The following ABCA7 variants were observed in gnomAD, a reference collection of about 807,000 sequenced individuals.
The protein encoded by ABCA7 is phospholipid-transporting ATPase ABCA7.
In ABCA7, 261 loss-of-function variants were observed where a neutral mutation model predicts 227.6. That is an observed-to-expected ratio of 1.15 (90% CI 1.04 to 1.27). ABCA7 has a LOEUF of 1.27. Ranked by LOEUF, ABCA7 falls within the 50% of genes most tolerant of loss-of-function variation. The pLI, the probability that ABCA7 is intolerant of heterozygous loss-of-function variation, is 0.00. For missense variants in ABCA7, 3,331 were observed against 2,924.5 expected, an observed-to-expected ratio of 1.14 and a Z score of -3.21; for synonymous variants, 1,488 against 1,279.7, an observed-to-expected ratio of 1.16 and a Z score of -3.47.
chr19:1,041,588 C>A lies in ABCA7; in HGVS notation c.145C>A (p.Leu49Met). ...GGCTGTTCGCCACTCCCACCCGCCC[C>A]TGGAGCACCATGAATGTGAGCCCCC... Reference protein sequence around the residue: ...LVAVRHSHPPLEHHECHFPNK... With the variant: ...LVAVRHSHPPMEHHECHFPNK... Residue 49 changes from leucine (L) to methionine (M), a missense_variant, in exon 3 of 47, where the codon CTG becomes ATG. Physicochemically the swap from Leu to Met is conservative, Grantham distance 15 (BLOSUM62 2). Transcript: ENST00000263094. 6.2e-7 allele frequency: 1 copy of A among 1,612,528 alleles called. No homozygotes were observed. Among genetic ancestry groups the A allele is most frequent in the Non-Finnish European group, 8.5e-7 (1 of 1,180,018 alleles).
chr19:1,063,575 T>C lies in ABCA7; in HGVS notation c.5744T>C (p.Leu1915Pro), dbSNP rs1365754704. The change falls in exon 43 of 47, where the codon CTC becomes CCC. Residue 1915 changes from leucine (L) to proline (P), a missense_variant. By Grantham distance (98) the Leu-to-Pro change is moderately conservative. Transcript: ENST00000263094. ...TAGSGLARLG[L>P]SWYADRPAGT... ...GGCTCGGGCCTGGCGCGTCTGGGAC[T>C]CTCATGGTACGCAGACCGGCCTGCA... 2 of 1,611,082 alleles carry C rather than the reference T, an allele frequency of 1.2e-6. No homozygotes were observed. Among genetic ancestry groups the C allele is most frequent in the Non-Finnish European group, 1.7e-6 (2 of 1,179,896 alleles).
chr19:1,054,267 C>G lies in ABCA7; in HGVS notation c.3652C>G (p.Arg1218Gly), dbSNP rs201662076. Residue 1218 changes from arginine (R) to glycine (G), a missense_variant, in exon 27 of 47, where the codon CGC becomes GGC. Physicochemically the swap from Arg to Gly is moderately radical, Grantham distance 125. Transcript: ENST00000263094. This position sits in a 1 kb window ranked among gnomAD's most constrained non-coding sequence, Gnocchi z 4.8. ...VGRVQGWALT[R>G]QQLQALLLKR... ...CCGGGTACAGGGCTGGGCACTGACC[C>G]GCCAGCAGCTCCAGGCCCTGCTTCT... 7 of 1,608,816 alleles carry G rather than the reference C, an allele frequency of 4.4e-6. No homozygotes were observed. The highest frequency in any genetic ancestry group is 2.7e-5 in the African/African-American group (2 of 74,954).
chr19:1,047,541 T>G lies in ABCA7; in HGVS notation c.2156T>G (p.Val719Gly). ...EQGEGAQWHN[V>G]GTRPTADVFS... Reference sequence around the variant, plus strand: ...GGCGAGGGCGCGCAGTGGCACAACGTGGGCACCCGGCCTACGGCAGACGTC... The same window carrying G: ...GGCGAGGGCGCGCAGTGGCACAACGGGGGCACCCGGCCTACGGCAGACGTC... Residue 719 changes from valine (V) to glycine (G), a missense_variant, in exon 16 of 47, where the codon GTG (valine) becomes GGG (glycine). Physicochemically the swap from Val to Gly is moderately radical, Grantham distance 109 (BLOSUM62 -3). Transcript: ENST00000263094. The G allele has an allele frequency of 6.3e-7, 1 of 1,599,616 alleles. No homozygotes were observed. The highest frequency in any genetic ancestry group is 8.5e-7 in the Non-Finnish European group (1 of 1,177,986).
Position 1,056,815 on chromosome 19 carries a change from T to C in ABCA7, c.4587-92T>C, listed in dbSNP as rs1486404298. ...ATCTCTGCCACTGCTGACTGCCCCA[T>C]AGACCTTTGTCCCATCAATGGCGTG... On this transcript the variant is annotated intron_variant, in intron 33 of 46. Transcript: ENST00000263094. This position sits in a 1 kb window ranked among gnomAD's most constrained non-coding sequence, Gnocchi z 4.3. 12 of 1,404,484 alleles carry C rather than the reference T, an allele frequency of 8.5e-6. No individual in the cohort carries two copies. The highest frequency in any genetic ancestry group is 6.0e-5 in the Admixed American group (3 of 50,316). 87.0% of individuals were successfully genotyped at this position (1,404,484 alleles called of 1,614,324 possible).
chr19:1,047,007 C>T lies in ABCA7; in HGVS notation c.1828C>T (p.Leu610=), dbSNP rs1409842246. 1.3e-6 allele frequency: 2 copies of T among 1,569,104 alleles called. No homozygotes were observed. The highest frequency in any genetic ancestry group is 8.6e-7 in the Non-Finnish European group (1 of 1,160,298). Residue 610 remains leucine (L), a synonymous_variant, in exon 14 of 47, where the codon CTG becomes TTG. Coordinates refer to ENST00000263094, the MANE Select transcript of ABCA7 (RefSeq NM_019112.4). ...GCCCTTCCTGCTCAGCGCCGCACTG[C>T]TGGTTCTGGTGCTCAAGGTGGGCGC... is the stretch of plus-strand genomic sequence containing the variant. ...LGPFLLSAAL[L]VLVLKLGDIL... is the part of the protein sequence containing the mutation.
rs1437780552 is a variant in ABCA7 at position 1,055,257 on chromosome 19, G to A, written c.4111G>A (p.Ala1371Thr). The A allele has an allele frequency of 6.2e-7, 1 of 1,602,982 alleles. No homozygotes were observed. The highest frequency in any genetic ancestry group is 1.7e-5 in the Admixed American group (1 of 58,606). Residue 1371 changes from alanine to threonine, a missense_variant, in exon 30 of 47, where the codon GCA becomes ACA. Ala to Thr is a moderately conservative substitution (Grantham distance 58). Coordinates refer to ENST00000263094, the MANE Select transcript of ABCA7 (RefSeq NM_019112.4). ...AAAGGPPPPQ[A>T]VTGSGEVVQN... is the part of the protein sequence containing the mutation. ...AGCTGGTGGTCCCCCTCCGCCCCAGGCAGTGACCGGCTCTGGGGAAGTGGT... is the reference window on the plus strand; with the variant it reads ...AGCTGGTGGTCCCCCTCCGCCCCAGACAGTGACCGGCTCTGGGGAAGTGGT...
Position 1,047,160 on chromosome 19 carries a change from G to A in ABCA7, c.1849G>A (p.Gly617Arg), listed in dbSNP as rs747750323. 1.2e-6 allele frequency: 2 copies of A among 1,601,710 alleles called. No homozygotes were observed. Among genetic ancestry groups the A allele is most frequent in the East Asian group, 4.6e-5 (2 of 43,820 alleles). The change falls in exon 15 of 47, where the codon GGA (glycine) becomes AGA (arginine). Residue 617 changes from glycine (G) to arginine (R), a missense_variant. Coordinates refer to ENST00000263094, the MANE Select transcript of ABCA7 (RefSeq NM_019112.4). ...AALLVLVLKLGDILPYSHPGV... is the reference protein window; with the variant it reads ...AALLVLVLKLRDILPYSHPGV... ...AAGCTCCCGTTGCCTCTCACAGCTG[G>A]GAGACATCCTCCCCTACAGCCACCC...
At chr19:1,047,095 G>A in intron 14 of ABCA7, 62 bp from the exon 15 acceptor site, 1 of 1,556,308 alleles carries the variant, frequency 6.4e-7, no homozygotes, top group African/African-American at 1.4e-5. Context: ...GCGGCCCCAC[G>A]TGGGTGCGCG....
chr19:1,047,726 C>A, intron 16 of ABCA7, 72 bp downstream of exon 16: 1 of 1,455,396 alleles, frequency 6.9e-7, no homozygotes, highest in Non-Finnish European at 9.1e-7. Context: ...GGGGTGTGGC[C>A]TCCAGGCCGT....
Position 1,045,170 on chromosome 19 carries a change from G to A in ABCA7, c.1384G>A (p.Val462Met), listed in dbSNP as rs374759626. 1.9e-6 allele frequency: 3 copies of A among 1,612,738 alleles called. No individual in the cohort carries two copies. The highest frequency in any genetic ancestry group is 1.3e-5 in the African/African-American group (1 of 74,872). The change falls in exon 12 of 47, where the codon GTG becomes ATG. Residue 462 changes from valine (V) to methionine (M), a missense_variant. Coordinates refer to ENST00000263094, the MANE Select transcript of ABCA7 (RefSeq NM_019112.4). ...HPTPDLGPGHVRIKIRMDIDV... is the reference protein window; with the variant it reads ...HPTPDLGPGHMRIKIRMDIDV... The stretch of plus-strand genomic sequence containing the variant: ...AACCCCAGACCTGGGCCCCGGCCAC[G>A]TGCGCATCAAAATCCGCATGGACAT...
intron 16 of ABCA7, 152 bp downstream of exon 16, chr19:1,047,806 T>C: frequency 1.1e-5 from 9 of 828,290 alleles, no homozygotes; most frequent in East Asian, 3.1e-5. Context: ...TGCAGGTGGC[T>C]GCATTGGAGG....
At position 1,047,374 on chromosome 19, in the gene ABCA7, C is replaced by T. The variant is rs1311824368; in HGVS notation, c.2063C>T (p.Ala688Val). 1.3e-6 allele frequency: 2 copies of T among 1,567,442 alleles called. No individual in the cohort carries two copies. The highest frequency in any genetic ancestry group is 2.7e-5 in the African/African-American group (2 of 73,590). The change falls in exon 15 of 47, where the codon GCC becomes GTC. Residue 688 changes from alanine to valine, a missense_variant. Ala to Val is a moderately conservative substitution (Grantham distance 64). Coordinates refer to ENST00000263094, the MANE Select transcript of ABCA7 (RefSeq NM_019112.4). ...RDRLPAGGRV[A>V]ASLLSPVAFG... ...CGGCTGCCCGCGGGTGGCCGCGTGG[C>T]CGCGGTGAGAGCCGGGTCGGGCGTG... is the stretch of plus-strand genomic sequence containing the variant.
chr19:1,047,582 G>A lies in ABCA7; in HGVS notation c.2197G>A (p.Val733Ile). The stretch of plus-strand genomic sequence containing the variant: ...GGCAGACGTCTTCAGCCTGGCCCAG[G>A]TCTCTGGCCTTCTGCTGCTGGACGC... ...PTADVFSLAQ[V>I]SGLLLLDAAL... Residue 733 changes from valine to isoleucine, a missense_variant, in exon 16 of 47, where the codon GTC becomes ATC. Physicochemically the swap from Val to Ile is conservative, Grantham distance 29 (BLOSUM62 3). Coordinates refer to ENST00000263094, the MANE Select transcript of ABCA7 (RefSeq NM_019112.4). 1 of 1,603,504 alleles carries A rather than the reference G, an allele frequency of 6.2e-7. No individual in the cohort carries two copies. The highest frequency in any genetic ancestry group is 8.5e-7 in the Non-Finnish European group (1 of 1,179,322).
At chr19:1,042,266 T>C (rs1176734585) in intron 5 of ABCA7, 49 bp from the exon 6 acceptor site, 1 of 1,580,126 alleles carries the variant, frequency 6.3e-7, no homozygotes. Flanking sequence ...GGTGGGTGCC[T>C]CAGACCAACG....
At chr19:1,048,191 TAAAAAA>T (rs35966146) in intron 16 of ABCA7, among the ~76,000 whole-genome samples, 1 of 101,442 alleles carries the variant, frequency 9.9e-6, no homozygotes, top group Admixed American at 1.1e-4. Flanking sequence ...TCCATCTCTT[TAAAAAA>T]AAAAAAAAAA....
chr19:1,058,193 C>A lies in ABCA7; in HGVS notation c.5073C>A (p.Phe1691Leu). Residue 1691 changes from phenylalanine to leucine, a missense_variant, in exon 37 of 47, where the codon TTC becomes TTA. Physicochemically the swap from Phe to Leu is conservative, Grantham distance 22 (BLOSUM62 0). Transcript: ENST00000263094. ...SRILKQVFLI[F>L]PHFCLGRGLI... ...TCTTGAAACAGGTCTTCCTTATCTTCCCCCACTTCTGCTTGGGCCGGGGGC... is the reference window on the plus strand; with the variant it reads ...TCTTGAAACAGGTCTTCCTTATCTTACCCCACTTCTGCTTGGGCCGGGGGC... 3 of 1,613,716 alleles carry A rather than the reference C, an allele frequency of 1.9e-6. No individual in the cohort carries two copies. The highest frequency in any genetic ancestry group is 1.7e-6 in the Non-Finnish European group (2 of 1,179,948).
rs2040236528 is a variant in ABCA7, at chr19:1,043,216, A to G, written c.755A>G (p.Gln252Arg). The G allele has an allele frequency of 6.2e-7, 1 of 1,608,152 alleles. No individual in the cohort carries two copies. The highest frequency in any genetic ancestry group is 8.5e-7 in the Non-Finnish European group (1 of 1,176,102). ...AGTGACCTGATGGAGCTGGTGGGGC[A>G]GGAGCCAGAATCCGCCCTGCCAGAC... ...EASDLMELVG[Q>R]EPESALPDSS... The change falls in exon 8 of 47, where the codon CAG becomes CGG. Residue 252 changes from glutamine to arginine, a missense_variant. Transcript: ENST00000263094.
chr19:1,042,693 G>A, intron 6 of ABCA7, 53 bp from the exon 7 acceptor site: 1 of 1,560,692 alleles, frequency 6.4e-7, no homozygotes, highest in Non-Finnish European at 8.8e-7. Flanking sequence ...CAGAGCGCTG[G>A]ACCCCTAGTG....
intron 45 of ABCA7, chr19:1,064,590 G>C (rs1609436): frequency 0.71 from 282,538 of 396,824 alleles, 105,528 homozygotes; most frequent in Admixed American, 0.79. Flanking sequence ...TAGGAAAGTG[G>C]GGCGGGGGTA....
Sources: gnomAD v4.1 joint callset for allele counts (sites outside exome capture counted in the v4.1 genomes callset) on GRCh38, gnomAD v4.1.1 for gene constraint, Gnocchi (gnomAD v3.1) non-coding constraint, MANE v1.5 for transcripts, NCBI Gene and HGNC (gene_info 2026-07-23, HGNC 2026-07-21) for gene names.